The following HOMER2 variants were observed in gnomAD, a reference collection of about 807,000 sequenced individuals.
HOMER2 encodes the protein homer scaffold protein 2.
A neutral mutation model predicts 47.0 loss-of-function variants in HOMER2; 27 were observed. That is an observed-to-expected ratio of 0.57 (90% CI 0.42 to 0.79). The LOEUF is 0.79. Among genes scored for constraint, HOMER2 ranks in the 30% least tolerant of loss-of-function variants. HOMER2 has a pLI of 0.00. For missense variants in HOMER2, 443 were observed against 435.0 expected (o/e 1.02, Z -0.16); for synonymous variants, 161 against 163.8 (o/e 0.98, Z 0.13).
At chr15:82,924,592 T>C (rs1422201721) in intron 1 of HOMER2, among the ~76,000 whole-genome samples, 1 of 152,192 alleles carries the variant, frequency 6.6e-6, no homozygotes, top group Non-Finnish European at 1.5e-5. Context: ...GAGATCTGTT[T>C]TCTAAACAGA....
chr15:82,931,119 C>T (rs1266419435), intron 1 of HOMER2, among the ~76,000 whole-genome samples: 1 of 151,484 alleles, frequency 6.6e-6, no homozygotes, highest in Admixed American at 6.6e-5. Context: ...AAAAAAAAAG[C>T]TTGCATTCTA....
chr15:82,968,237 G>C (rs1002545680), intron 1 of HOMER2, among the ~76,000 whole-genome samples: 3 of 152,020 alleles, frequency 2.0e-5, no homozygotes, highest in Admixed American at 6.6e-5. Context: ...CTTTCACAAT[G>C]TTGTGCAACT....
chr15:82,848,869 A>G (rs529044251), downstream of HOMER2: 2 of 152,430 alleles, frequency 1.3e-5, no homozygotes, highest in African/African-American at 2.4e-5. Context: ...GGGTTTGACC[A>G]GACAGTGGTA....
chr15:82,913,658 C>G lies in HOMER2; in HGVS notation c.6-20817G>C, dbSNP rs2053506358. On this transcript the variant is annotated intron_variant, in intron 1 of 8. Transcript: ENST00000450735. This position sits in a 1 kb window ranked among gnomAD's most constrained non-coding sequence, Gnocchi z 4.1. ...GTAGACAGCAGATCACACAGTCAAG[C>G]TTTGCATGCCTTAGGAAATGTTCTT... 6.6e-6 allele frequency among the ~76,000 whole-genome samples: 1 copy of G among 152,330 alleles called. No individual in the cohort carries two copies. The highest frequency in any genetic ancestry group is 2.4e-5 in the African/African-American group (1 of 41,574).
chr15:82,911,402 C>A (rs539058411), intron 1 of HOMER2, among the ~76,000 whole-genome samples: 1 of 152,100 alleles, frequency 6.6e-6, no homozygotes, highest in African/African-American at 2.4e-5. Flanking sequence ...CTTCTAGAAG[C>A]CAGTCGTTGT....
chr15:82,893,208 T>C (rs1200452475), intron 1 of HOMER2, among the ~76,000 whole-genome samples: 1 of 152,214 alleles, frequency 6.6e-6, no homozygotes, highest in African/African-American at 2.4e-5. Flanking sequence ...AGAATTTTTG[T>C]GACAAATTTT....
exon 2 of HOMER2, chr15:82,958,480 G>C (rs1009638885): frequency 5.3e-5 from 8 of 152,308 alleles, no homozygotes; most frequent in African/African-American, 1.9e-4. Context: ...GGTCATGTTA[G>C]GAGTTTGGAC....
intron 1 of HOMER2, among the ~76,000 whole-genome samples, chr15:82,899,514 G>T (rs895319035): frequency 6.6e-6 from 1 of 152,218 alleles, no homozygotes; most frequent in Non-Finnish European, 1.5e-5. Flanking sequence ...CCCATGCAAA[G>T]AATCTAACTT....
At chr15:82,836,948 C>T (rs1477852349) in exon 2 of HOMER2, 1 of 152,258 alleles carries the variant, frequency 6.6e-6, no homozygotes, top group African/African-American at 2.4e-5. Context: ...AAAGTAGCTG[C>T]TTAAAAGACA....
chr15:82,850,034 A>G, intron 8 of HOMER2, 131 bp from the exon 9 acceptor site: 3 of 835,488 alleles, frequency 3.6e-6, no homozygotes, highest in Non-Finnish European at 5.6e-6. Context: ...CTGCCTAGAG[A>G]CATGCTACCC....
At chr15:82,870,395 G>A (rs999990578) in intron 3 of HOMER2, among the ~76,000 whole-genome samples, 2 of 152,060 alleles carry the variant, frequency 1.3e-5, no homozygotes, top group African/African-American at 2.4e-5. Flanking sequence ...CCTCCCTCTC[G>A]CCAAGAATGC....
At chr15:82,927,605 A>G (rs2053885221) in intron 1 of HOMER2, among the ~76,000 whole-genome samples, 1 of 152,190 alleles carries the variant, frequency 6.6e-6, no homozygotes, top group South Asian at 2.1e-4. Flanking sequence ...TGTAAGCTCT[A>G]CAAGGACAGG....
chr15:82,980,525 C>A (rs983611242), intron 1 of HOMER2, among the ~76,000 whole-genome samples: 1 of 152,130 alleles, frequency 6.6e-6, no homozygotes, highest in African/African-American at 2.4e-5. Context: ...CTCTGCGTGG[C>A]GTGTTGTGCT....
chr15:82,922,583 A>G (rs1940287790), intron 1 of HOMER2, among the ~76,000 whole-genome samples: 1 of 152,186 alleles, frequency 6.6e-6, no homozygotes, highest in African/African-American at 2.4e-5. Context: ...TTCAATAGAA[A>G]GTTAGCCCTT....
chr15:82,890,420 A>T (rs2052667093), intron 2 of HOMER2, among the ~76,000 whole-genome samples: 1 of 152,166 alleles, frequency 6.6e-6, no homozygotes, highest in Admixed American at 6.5e-5. Context: ...GCTGGCTTTG[A>T]GTTCCAGCAG....
intron 2 of HOMER2, among the ~76,000 whole-genome samples, chr15:82,890,456 C>A (rs1433857667): frequency 2.0e-5 from 3 of 152,176 alleles, no homozygotes; most frequent in African/African-American, 7.2e-5. Flanking sequence ...GTTTTGGATT[C>A]CCAGCCTGTA....
intron 1 of HOMER2, among the ~76,000 whole-genome samples, chr15:82,944,040 TA>T (rs2054319106): frequency 6.6e-6 from 1 of 152,248 alleles, no homozygotes; most frequent in Non-Finnish European, 1.5e-5. Context: ...GGCTTATGAA[TA>T]AAAATTTTTT....
intron 1 of HOMER2, among the ~76,000 whole-genome samples, chr15:82,924,942 T>C (rs532753120): frequency 7.9e-5 from 12 of 152,308 alleles, no homozygotes; most frequent in African/African-American, 2.9e-4. Context: ...CATCAGTTAT[T>C]TCCCACACCT....
intron 2 of HOMER2, among the ~76,000 whole-genome samples, chr15:82,881,799 GT>G (rs1263024830): frequency 6.6e-6 from 1 of 152,154 alleles, no homozygotes; most frequent in African/African-American, 2.4e-5. Flanking sequence ...CTAAATATTT[GT>G]AGAATGGATG....
Sources: allele counts gnomAD v4.1 joint callset (sites outside exome capture counted in the v4.1 genomes callset), GRCh38; gene constraint gnomAD v4.1.1; non-coding constraint Gnocchi (gnomAD v3.1); transcripts MANE v1.5; gene names NCBI Gene and HGNC (gene_info 2026-07-23, HGNC 2026-07-21).